Variants in BBX observed in about 807,000 individuals in gnomAD.
The protein encoded by BBX is HMG box transcription factor BBX.
A neutral mutation model predicts 100.2 loss-of-function variants in BBX; 30 were observed. That is an observed-to-expected ratio of 0.30 (90% CI 0.22 to 0.41). The LOEUF is 0.41. BBX is among the 10% of genes least tolerant of loss of function. BBX has a pLI of 1.00. For synonymous variants in BBX, 376 were observed against 388.1 expected, an observed-to-expected ratio of 0.97 and a Z score of 0.37; for missense variants, 1,023 against 1,129.8, an observed-to-expected ratio of 0.91 and a Z score of 1.35.
intron 1 of BBX, among the ~76,000 whole-genome samples, chr3:107,525,096 C>A (rs1489875298): frequency 1.3e-5 from 2 of 149,702 alleles, no homozygotes; most frequent in African/African-American, 4.9e-5. Context: ...GCGCCGCCGC[C>A]ACCTCTGCTC....
rs576410119 is a variant in BBX, at chr3:107,805,388, G to A, written c.2757G>A (p.Pro919=). 46 of 1,613,736 alleles carry A rather than the reference G, an allele frequency of 2.9e-5. No individual in the cohort carries two copies. Among genetic ancestry groups the A allele is most frequent in the Admixed American group, 5.0e-5 (3 of 59,966 alleles). Residue 919 remains proline, a synonymous_variant, in exon 18 of 18, where the codon CCG becomes CCA. Coordinates refer to ENST00000325805, the MANE Select transcript of BBX (RefSeq NM_001142568.3). The part of the protein sequence containing the change: ...ENVHRGQRST[P]LTHDGQPKEM... ...TTTACAGAGGTCAGAGGTCAACTCC[G>A]CTCACCCATGATGGACAGCCAAAAG...
Position 107,773,121 on chromosome 3 carries a change from C to A in BBX, c.1400C>A (p.Ser467Tyr). The A allele has an allele frequency of 6.2e-7, 1 of 1,613,928 alleles. No homozygotes were observed. Among genetic ancestry groups the A allele is most frequent in the Non-Finnish European group, 8.5e-7 (1 of 1,179,972 alleles). Residue 467 changes from serine to tyrosine, a missense_variant, in exon 11 of 18, where the codon TCC (serine) becomes TAC (tyrosine). Coordinates refer to ENST00000325805, the MANE Select transcript of BBX (RefSeq NM_001142568.3). This position sits in a 1 kb window ranked among gnomAD's most constrained non-coding sequence, Gnocchi z 4.1. The stretch of plus-strand genomic sequence containing the variant: ...ATGGATCGACATGGAAATGATAAAT[C>A]CACACCCAAGAAGACTTGCAAAAAG... ...SKMDRHGNDK[S>Y]TPKKTCKKRQ...
chr3:107,741,622 G>C (rs1576591319), intron 7 of BBX, among the ~76,000 whole-genome samples: 2 of 151,624 alleles, frequency 1.3e-5, no homozygotes, highest in Middle Eastern at 6.8e-3. Context: ...AAATATCTTT[G>C]ACTATTTTGT....
chr3:107,565,263 T>C (rs971996656), intron 2 of BBX, among the ~76,000 whole-genome samples: 1 of 151,870 alleles, frequency 6.6e-6, no homozygotes, highest in Non-Finnish European at 1.5e-5. Flanking sequence ...TCGTAAAAGT[T>C]GTGTCAGCCT....
chr3:107,801,383 G>A (rs1466723559), intron 17 of BBX, 102 bp downstream of exon 17: 2 of 1,289,416 alleles, frequency 1.6e-6, no homozygotes, highest in East Asian at 2.5e-5. Context: ...TTCAAACTTG[G>A]TTCAAGAGCA....
intron 3 of BBX, among the ~76,000 whole-genome samples, chr3:107,707,064 C>T (rs942604835): frequency 1.3e-5 from 2 of 152,192 alleles, no homozygotes; most frequent in African/African-American, 4.8e-5. Context: ...TGAGGTATTT[C>T]ATAGTTATTA....
rs140138305 is a variant in BBX, at chr3:107,567,901, C to T, written c.-84+41503C>T. Among the ~76,000 whole-genome samples, 903 of 152,048 alleles carry T rather than the reference C, an allele frequency of 5.9e-3. 10 individuals carry two copies. Among genetic ancestry groups the T allele is most frequent in the African/African-American group, 0.021 (862 of 41,500 alleles). On this transcript the variant is annotated intron_variant, in intron 2 of 17. Transcript: ENST00000325805. ...TATATTATTAACATGCGTATTTAAACATGTTTTTCTCACAACATCTACAGT... is the reference window on the plus strand; with the variant it reads ...TATATTATTAACATGCGTATTTAAATATGTTTTTCTCACAACATCTACAGT...
At chr3:107,678,362 A>G (rs1013844666) in intron 3 of BBX, among the ~76,000 whole-genome samples, 1 of 152,108 alleles carries the variant, frequency 6.6e-6, no homozygotes. Context: ...TCTGGTTAAT[A>G]GTAGGTTCTC....
At chr3:107,725,676 C>G (rs1339114910) in intron 5 of BBX, among the ~76,000 whole-genome samples, 1 of 151,948 alleles carries the variant, frequency 6.6e-6, no homozygotes, top group Non-Finnish European at 1.5e-5. Context: ...AAATCAGTAG[C>G]AGGATTTCTA....
At chr3:107,611,485 GATT>G (rs146137938) in intron 2 of BBX, among the ~76,000 whole-genome samples, 1 of 152,202 alleles carries the variant, frequency 6.6e-6, no homozygotes, top group African/African-American at 2.4e-5. Context: ...ATGATTGAAG[GATT>G]ATTTTCACCA....
Position 107,693,670 on chromosome 3 carries a change from T to A in BBX, c.-9-16782T>A, listed in dbSNP as rs564919796. ...TTTGTTCTTTTGGCTCAGGATTGACTTGGCGATGCGGGCTCTTTTTTGGTT... is the reference window on the plus strand; with the variant it reads ...TTTGTTCTTTTGGCTCAGGATTGACATGGCGATGCGGGCTCTTTTTTGGTT... On this transcript the variant is annotated intron_variant, in intron 3 of 17. Coordinates refer to ENST00000325805, the MANE Select transcript of BBX (RefSeq NM_001142568.3). 1.6e-4 allele frequency among the ~76,000 whole-genome samples: 25 copies of A among 152,004 alleles called. 1 individual carries two copies. The East Asian group carries it at 4.8e-3, about 29-fold the overall frequency.
Position 107,772,958 on chromosome 3 carries a change from G to T in BBX, c.1237G>T (p.Ala413Ser), listed in dbSNP as rs566303124. ...CSHFPDFSYS[A>S]SSKIIISDVP... is the part of the protein sequence containing the mutation. ...TCATTTTCCTGATTTTTCTTATTCT[G>T]CCAGTAGCAAGATAATAATTAGTGA... Residue 413 changes from alanine to serine, a missense_variant, in exon 11 of 18, where the codon GCC (alanine) becomes TCC (serine). Transcript: ENST00000325805. 10 of 1,612,922 alleles carry T rather than the reference G, an allele frequency of 6.2e-6. No homozygotes were observed. In the African/African-American group the frequency reaches 1.3e-4, roughly 22 times the overall value.
intron 2 of BBX, among the ~76,000 whole-genome samples, chr3:107,598,201 G>T (rs1045930738): frequency 6.6e-6 from 1 of 152,184 alleles, no homozygotes; most frequent in African/African-American, 2.4e-5. Flanking sequence ...GGGGGTGTGT[G>T]TGTATGTGTC....
chr3:107,641,763 C>A (rs1279830840), intron 2 of BBX: 2 of 152,172 alleles, frequency 1.3e-5, no homozygotes, highest in South Asian at 4.1e-4. Context: ...GATTTCCATT[C>A]TCAGTATAGC....
chr3:107,561,781 G>T (rs945450617), intron 2 of BBX, among the ~76,000 whole-genome samples: 1 of 152,106 alleles, frequency 6.6e-6, no homozygotes, highest in Admixed American at 6.5e-5. Flanking sequence ...TAAATTTAAA[G>T]AAATTTTTAA....
At position 107,559,306 on chromosome 3, in the gene BBX, C is replaced by CA. The variant is rs1340762282; in HGVS notation, c.-84+32910dup. 3.9e-5 allele frequency among the ~76,000 whole-genome samples: 6 copies of CA among 152,128 alleles called. No individual in the cohort carries two copies. In the East Asian group the frequency reaches 1.2e-3, roughly 29 times the overall value. On this transcript the variant is annotated intron_variant, in intron 2 of 17. Transcript: ENST00000325805. ...AGTAGGAGGGAGACAAGTCTGGAAG[C>CA]AATCAATGTGTAGGATAAACTGGGA...
rs546381179 is a variant in BBX at position 107,647,334 on chromosome 3, C to G, written c.-10+1425C>G. Among the ~76,000 whole-genome samples the G allele has an allele frequency of 3.0e-4, 46 of 152,292 alleles. 1 individual carries two copies. The highest frequency in any genetic ancestry group is 1.9e-3 in the South Asian group (9 of 4,822). ...CATATACAAAAAGCAAAGCCGGACA[C>G]TTTATCTGACCTGTTCAGAAAAACT... On this transcript the variant is annotated intron_variant, in intron 3 of 17. Transcript: ENST00000325805.
At chr3:107,650,506 T>C (rs1420455336) in intron 3 of BBX, among the ~76,000 whole-genome samples, 1 of 152,212 alleles carries the variant, frequency 6.6e-6, no homozygotes, top group Non-Finnish European at 1.5e-5. Context: ...GTTGTCCCCT[T>C]GTACTTTCAG....
intron 2 of BBX, among the ~76,000 whole-genome samples, chr3:107,635,408 C>T (rs955698737): frequency 6.6e-6 from 1 of 152,200 alleles, no homozygotes; most frequent in Non-Finnish European, 1.5e-5. Context: ...AGTATACTGC[C>T]ATCCATAAGC....
Sources: allele counts gnomAD v4.1 joint callset (sites outside exome capture counted in the v4.1 genomes callset), GRCh38; gene constraint gnomAD v4.1.1; non-coding constraint Gnocchi (gnomAD v3.1); transcripts MANE v1.5; gene names NCBI Gene and HGNC (gene_info 2026-07-23, HGNC 2026-07-21).